SLC30A9: variants seen among roughly 807,000 people sequenced by gnomAD.
SLC30A9 encodes the protein solute carrier family 30 member 9.
Under a neutral mutation model 87.5 loss-of-function variants are expected in SLC30A9, and 58 were observed. The ratio of observed to expected loss-of-function variants is 0.66; its 90% CI spans 0.54 to 0.82. The LOEUF (loss-of-function observed/expected upper bound fraction) is 0.82, where lower values mean the gene tolerates loss of function less well. SLC30A9 is among the 40% of genes least tolerant of loss of function. The probability of loss-of-function intolerance (pLI) is 0.00; values close to 1 mark genes in which losing one functional copy is unlikely to be tolerated. For synonymous variants in SLC30A9, 234 were observed against 233.0 expected, an observed-to-expected ratio of 1.00 and a Z score of -0.04; for missense variants, 557 against 679.1, an observed-to-expected ratio of 0.82 and a Z score of 2.00.
chr4:42,042,774 T>C (rs1010870540), intron 8 of SLC30A9, among the ~76,000 whole-genome samples: 1 of 152,194 alleles, frequency 6.6e-6, no homozygotes. Context: ...CCATGCCTCC[T>C]GATGGGGAGA....
intron 2 of SLC30A9, among the ~76,000 whole-genome samples, chr4:42,007,714 G>A (rs537486136): frequency 1.0e-3 from 157 of 152,244 alleles, no homozygotes; most frequent in African/African-American, 3.6e-3. Flanking sequence ...CTGAGATCGC[G>A]CCACTGCACT....
At chr4:42,016,595 T>C (rs779785549) in intron 2 of SLC30A9, among the ~76,000 whole-genome samples, 7 of 152,184 alleles carry the variant, frequency 4.6e-5, no homozygotes, top group Non-Finnish European at 8.8e-5. Flanking sequence ...ATTTATCTTA[T>C]TGATTGGTGT....
At chr4:41,995,300 G>A (rs889760781) in intron 1 of SLC30A9, among the ~76,000 whole-genome samples, 1 of 152,174 alleles carries the variant, frequency 6.6e-6, no homozygotes, top group Non-Finnish European at 1.5e-5. Context: ...CAGACAGGAA[G>A]ATTCTATGCA....
chr4:41,992,010 G>A (rs1714465338), intron 1 of SLC30A9, among the ~76,000 whole-genome samples: 1 of 152,038 alleles, frequency 6.6e-6, no homozygotes, highest in South Asian at 2.1e-4. Context: ...TTCCATATTG[G>A]CAATATACTG....
chr4:42,042,984 G>T (rs964760113), intron 8 of SLC30A9, among the ~76,000 whole-genome samples: 1 of 152,180 alleles, frequency 6.6e-6, no homozygotes, highest in Non-Finnish European at 1.5e-5. Context: ...CAGCAGAGAG[G>T]CCTGACTGTT....
intron 2 of SLC30A9, among the ~76,000 whole-genome samples, chr4:42,002,876 G>A (rs1715047216): frequency 6.6e-6 from 1 of 152,088 alleles, no homozygotes; most frequent in Non-Finnish European, 1.5e-5. Flanking sequence ...CACCAGCAGT[G>A]TATTAAGTAT....
At chr4:42,021,917 A>AT (rs1180421350) in intron 4 of SLC30A9, among the ~76,000 whole-genome samples, 2,083 of 39,930 alleles carry the variant, frequency 0.052, 599 homozygotes, top group African/African-American at 0.1. Flanking sequence ...CGCCTGGCTA[A>AT]TTTTTTTTTT....
intron 4 of SLC30A9, among the ~76,000 whole-genome samples, chr4:42,021,607 CTCTT>C (rs1204644994): frequency 2.6e-5 from 4 of 152,132 alleles, no homozygotes; most frequent in Admixed American, 1.3e-4. Context: ...TTGACACAAA[CTCTT>C]TATGACATCA....
chr4:42,013,419 GA>G (rs1195980956), intron 2 of SLC30A9, among the ~76,000 whole-genome samples: 2 of 152,018 alleles, frequency 1.3e-5, no homozygotes, highest in African/African-American at 4.8e-5. Context: ...TGGGCAACAA[GA>G]AAAAAACTGT....
intron 15 of SLC30A9, among the ~76,000 whole-genome samples, chr4:42,071,631 C>T (rs1331210010): frequency 6.7e-6 from 1 of 149,454 alleles, no homozygotes; most frequent in Non-Finnish European, 1.5e-5. Flanking sequence ...TGTGAATAGC[C>T]ACTCACTGTA....
intron 2 of SLC30A9, among the ~76,000 whole-genome samples, chr4:42,006,621 A>G (rs1050646949): frequency 1.3e-5 from 2 of 151,610 alleles, no homozygotes; most frequent in African/African-American, 4.9e-5. Flanking sequence ...TGAGAAGTCA[A>G]GGTTGCAGTG....
intron 1 of SLC30A9, among the ~76,000 whole-genome samples, chr4:41,995,032 C>T (rs142727010): frequency 1.0e-3 from 153 of 151,698 alleles, no homozygotes; most frequent in African/African-American, 2.5e-3. Context: ...CCAAGGTGGG[C>T]GGATCACCTG....
At chr4:41,993,986 A>G (rs752947354) in intron 1 of SLC30A9, among the ~76,000 whole-genome samples, 30 of 152,026 alleles carry the variant, frequency 2.0e-4, no homozygotes, top group Admixed American at 6.6e-4. Context: ...GTGAAACCCC[A>G]TCTCTACCAA....
At chr4:42,067,250 A>T in intron 14 of SLC30A9, 58 bp downstream of exon 14, 1 of 1,073,128 alleles carries the variant, frequency 9.3e-7, no homozygotes, top group Non-Finnish European at 1.4e-6. Flanking sequence ...ATTCTCTAAT[A>T]TGTGGGAATT....
rs554054927 is a variant in SLC30A9, at chr4:42,088,024, A to G, written c.*1898A>G. 6.6e-6 allele frequency: 1 copy of G among 152,036 alleles called. No individual in the cohort carries two copies. Among genetic ancestry groups the G allele is most frequent in the African/African-American group, 2.4e-5 (1 of 41,422 alleles). 9.4% of individuals were successfully genotyped at this position (152,036 alleles called of 1,614,324 possible). A position where few individuals can be genotyped will look rare whatever the true frequency, so the allele number is the denominator to read the frequency against. The stretch of plus-strand genomic sequence containing the variant: ...TTTTTAGGATTCCCTAATAAAAAAA[A>G]AAAAAATTCTGATATTTCTTTTTAA... On this transcript the variant is annotated 3_prime_UTR_variant, in exon 18 of 18. Coordinates refer to ENST00000264451, the MANE Select transcript of SLC30A9 (RefSeq NM_006345.4).
At chr4:42,054,750 C>T (rs1717534095) in intron 9 of SLC30A9, among the ~76,000 whole-genome samples, 1 of 151,874 alleles carries the variant, frequency 6.6e-6, no homozygotes, top group African/African-American at 2.4e-5. Flanking sequence ...ATCCACCTGC[C>T]TCGGCCTCCC....
At chr4:42,037,052 A>T (rs553746142) in intron 7 of SLC30A9, among the ~76,000 whole-genome samples, 1 of 103,192 alleles carries the variant, frequency 9.7e-6, no homozygotes. Flanking sequence ...TGAATATTCC[A>T]TGTTTTGAAA....
At chr4:42,054,796 C>T (rs559405964) in intron 9 of SLC30A9, among the ~76,000 whole-genome samples, 159 of 151,956 alleles carry the variant, frequency 1.0e-3, no homozygotes, top group Non-Finnish European at 2.0e-3. Flanking sequence ...CCACCGCACC[C>T]GGCCAGGAAT....
In SLC30A9 at chr4:42,064,639, C is replaced by G. The variant is rs567217387; in HGVS notation, c.1033-671C>G. 3.9e-5 allele frequency among the ~76,000 whole-genome samples: 6 copies of G among 152,284 alleles called. No individual in the cohort carries two copies. In the East Asian group the frequency reaches 7.7e-4, roughly 20 times the overall value. On this transcript the variant is annotated intron_variant, in intron 11 of 17. Transcript: ENST00000264451. The stretch of plus-strand genomic sequence containing the variant: ...ATAGTGTCACTTTATAGGGGCAAAG[C>G]ACTCTCTGTAGTTAGAGATTAGGTA...
Sources: gnomAD v4.1 joint callset for allele counts (sites outside exome capture counted in the v4.1 genomes callset) on GRCh38, gnomAD v4.1.1 for gene constraint, MANE v1.5 for transcripts, NCBI Gene and HGNC (gene_info 2026-07-23, HGNC 2026-07-21) for gene names.